Variants in CSMD1 observed in about 807,000 individuals in gnomAD.
The protein encoded by CSMD1 is CUB and sushi domain-containing protein 1.
CSMD1 carries 213 observed loss-of-function variants against 417.5 expected under a neutral mutation model. The observed-to-expected ratio is 0.51, with a 90% confidence interval of 0.46 to 0.57. The LOEUF (loss-of-function observed/expected upper bound fraction) is 0.57, where lower values mean the gene tolerates loss of function less well. CSMD1 is among the 20% of genes least tolerant of loss of function. CSMD1 has a pLI of 0.00. For synonymous variants in CSMD1, 2,862 were observed against 1,736.8 expected (o/e 1.65, Z -16.11); for missense variants, 6,923 against 4,529.7 (o/e 1.53, Z -15.17).
intron 1 of CSMD1, among the ~76,000 whole-genome samples, chr8:4,859,819 A>C (rs867886272): frequency 1.3e-5 from 2 of 152,130 alleles, no homozygotes; most frequent in Admixed American, 6.6e-5. Flanking sequence ...GTGGGACTGT[A>C]AACTAGTTCA....
At chr8:3,503,353 T>C (rs376573826) in intron 10 of CSMD1, among the ~76,000 whole-genome samples, 1 of 152,368 alleles carries the variant, frequency 6.6e-6, no homozygotes. Context: ...TTATTTCAAA[T>C]GTAACTATAT....
In CSMD1 at chr8:4,003,120, G is replaced by A. The variant is rs182387383; in HGVS notation, c.611-5010C>T. On this transcript the variant is annotated intron_variant, in intron 4 of 69. Coordinates refer to ENST00000635120, the MANE Select transcript of CSMD1 (RefSeq NM_033225.6). The stretch of plus-strand genomic sequence containing the variant: ...TTAAGAAACAAGATACAGGCTTGGC[G>A]CGGTGGCTGATGCCTGTAGTCCCAA... Among the ~76,000 whole-genome samples the A allele has an allele frequency of 5.6e-3, 848 of 152,238 alleles. 7 individuals are homozygous for A. Among genetic ancestry groups the A allele is most frequent in the African/African-American group, 0.019 (796 of 41,554 alleles).
intron 2 of CSMD1, among the ~76,000 whole-genome samples, chr8:4,456,043 CA>C (rs1799456759): frequency 1.0e-5 from 1 of 99,010 alleles, no homozygotes; most frequent in Admixed American, 1.5e-4. Flanking sequence ...TCAAGTTCTT[CA>C]ATACTATCAT....
Position 3,318,290 on chromosome 8 carries a change from A to G in CSMD1, c.3632-9787T>C, listed in dbSNP as rs976870162. ...GTGTTAAAATGAAAAAAGTAATGAAAAAATAGAAAATCTCTGTAGTTCTCT... is the reference window on the plus strand; with the variant it reads ...GTGTTAAAATGAAAAAAGTAATGAAGAAATAGAAAATCTCTGTAGTTCTCT... On this transcript the variant is annotated intron_variant, in intron 23 of 69. Transcript: ENST00000635120. Among the ~76,000 whole-genome samples, 25 of 152,316 alleles carry G rather than the reference A, an allele frequency of 1.6e-4. No homozygotes were observed. The East Asian group carries it at 4.0e-3, about 25-fold the overall frequency.
chr8:3,677,995 T>A (rs191250497), intron 7 of CSMD1, among the ~76,000 whole-genome samples: 7 of 152,214 alleles, frequency 4.6e-5, no homozygotes, highest in Admixed American at 1.3e-4. Context: ...ACAGCCTCCA[T>A]CTGGGGTGTC....
intron 2 of CSMD1, among the ~76,000 whole-genome samples, chr8:4,519,724 CAG>C (rs1447296497): frequency 4.6e-5 from 5 of 109,318 alleles, no homozygotes; most frequent in Middle Eastern, 0.01. Context: ...GCCTAGGCAG[CAG>C]AGTCAGACTT....
intron 4 of CSMD1, among the ~76,000 whole-genome samples, chr8:4,020,143 G>A (rs564912968): frequency 6.6e-6 from 1 of 152,016 alleles, no homozygotes; most frequent in Non-Finnish European, 1.5e-5. Flanking sequence ...TTTTACCTGG[G>A]TTATGCCATT....
chr8:3,141,424 T>C (rs766204236), intron 41 of CSMD1, among the ~76,000 whole-genome samples: 1 of 152,198 alleles, frequency 6.6e-6, no homozygotes, highest in Non-Finnish European at 1.5e-5. Flanking sequence ...AAATTGATCA[T>C]GGCCCTTTCC....
intron 5 of CSMD1, among the ~76,000 whole-genome samples, chr8:3,896,402 T>A (rs551559133): frequency 6.6e-6 from 1 of 152,300 alleles, no homozygotes; most frequent in African/African-American, 2.4e-5. Context: ...GTGATTAATC[T>A]TCACATGGAA....
chr8:4,390,285 G>C (rs1803753151), intron 3 of CSMD1, among the ~76,000 whole-genome samples: 1 of 151,944 alleles, frequency 6.6e-6, no homozygotes. Flanking sequence ...CTGTCACGAG[G>C]AGCAATCAAG....
intron 52 of CSMD1, among the ~76,000 whole-genome samples, chr8:3,009,461 C>A (rs1808214912): frequency 6.6e-6 from 1 of 152,136 alleles, no homozygotes; most frequent in Non-Finnish European, 1.5e-5. Context: ...GTTATTTGGG[C>A]AGTAGATTCC....
At chr8:4,442,638 A>T (rs1041970774) in intron 2 of CSMD1, among the ~76,000 whole-genome samples, 4 of 152,250 alleles carry the variant, frequency 2.6e-5, no homozygotes, top group Admixed American at 1.3e-4. Flanking sequence ...ATTGCTGGGG[A>T]TTCCAGAGTA....
chr8:3,407,593 T>TGATGGATG (rs1812433589), intron 14 of CSMD1, among the ~76,000 whole-genome samples: 2 of 149,782 alleles, frequency 1.3e-5, no homozygotes, highest in South Asian at 4.3e-4. Flanking sequence ...ATGGATAGAA[T>TGATGGATG]GATGGATGGA....
At chr8:4,378,565 C>T (rs954038184) in intron 3 of CSMD1, among the ~76,000 whole-genome samples, 2 of 152,182 alleles carry the variant, frequency 1.3e-5, no homozygotes, top group African/African-American at 2.4e-5. Context: ...TAGCTTTGCA[C>T]TGGTCTTCAA....
intron 3 of CSMD1, among the ~76,000 whole-genome samples, chr8:4,038,306 A>G (rs985957158): frequency 6.6e-6 from 1 of 152,194 alleles, no homozygotes; most frequent in African/African-American, 2.4e-5. Context: ...ACACCAAAAA[A>G]CGCAAAACAG....
chr8:3,478,802 C>G (rs150085585), intron 11 of CSMD1, among the ~76,000 whole-genome samples: 61 of 152,124 alleles, frequency 4.0e-4, no homozygotes, highest in African/African-American at 1.4e-3. Flanking sequence ...GCTGCCTTGT[C>G]GAAGAAAAAA....
At chr8:4,662,179 C>T (rs1000575998) in intron 1 of CSMD1, among the ~76,000 whole-genome samples, 3 of 152,090 alleles carry the variant, frequency 2.0e-5, no homozygotes, top group Non-Finnish European at 4.4e-5. Flanking sequence ...CTATTAAATC[C>T]TTAAACAGGG....
At chr8:4,551,317 C>G (rs1797860391) in intron 2 of CSMD1, among the ~76,000 whole-genome samples, 1 of 152,110 alleles carries the variant, frequency 6.6e-6, no homozygotes, top group Admixed American at 6.6e-5. Context: ...CTTGTCTTCT[C>G]ATGGTCCCCC....
intron 52 of CSMD1, among the ~76,000 whole-genome samples, chr8:3,013,268 C>G (rs1808546876): frequency 6.6e-6 from 1 of 152,128 alleles, no homozygotes; most frequent in Non-Finnish European, 1.5e-5. Flanking sequence ...TTTTCCCACC[C>G]ACATGTTCCT....
Sources: allele counts gnomAD v4.1 joint callset (sites outside exome capture counted in the v4.1 genomes callset), GRCh38; gene constraint gnomAD v4.1.1; transcripts MANE v1.5; gene names NCBI Gene and HGNC (gene_info 2026-07-23, HGNC 2026-07-21).